DST: variants seen among roughly 807,000 people sequenced by gnomAD.
DST encodes bullous pemphigoid antigen.
In DST, 253 loss-of-function variants were observed where a neutral mutation model predicts 875.2. The ratio of observed to expected loss-of-function variants is 0.29; its 90% CI spans 0.26 to 0.32. The LOEUF (loss-of-function observed/expected upper bound fraction) is 0.32, where lower values mean the gene tolerates loss of function less well. Ranked by LOEUF, DST falls within the 10% of genes least tolerant of loss-of-function variation. The probability of loss-of-function intolerance (pLI) is 1.00; values close to 1 mark genes in which losing one functional copy is unlikely to be tolerated. For missense variants in DST, 8,287 were observed against 9,111.6 expected (o/e 0.91, Z 3.68); for synonymous variants, 3,124 against 3,197.1 (o/e 0.98, Z 0.77).
At chr6:56,473,801 C>G (rs1222349514) in intron 93 of DST, 72 bp downstream of exon 93, 22 of 1,475,642 alleles carry the variant, frequency 1.5e-5, no homozygotes, top group Non-Finnish European at 1.9e-5. Flanking sequence ...CCCCAAATTT[C>G]AAATAATTCA....
chr6:56,819,840 T>C (rs373654272), intron 4 of DST, among the ~76,000 whole-genome samples: 27 of 152,336 alleles, frequency 1.8e-4, no homozygotes, highest in East Asian at 9.6e-4. Context: ...TTGAAGTCTG[T>C]GGTCTGTTTT....
chr6:56,761,349 G>A (rs1053613159), intron 4 of DST, among the ~76,000 whole-genome samples: 5 of 152,172 alleles, frequency 3.3e-5, no homozygotes, highest in African/African-American at 4.8e-5. Context: ...ATTGTTATAC[G>A]GCTAGAAATA....
chr6:56,639,085 T>A (rs1323219465), intron 22 of DST, 174 bp downstream of exon 22: 2 of 649,738 alleles, frequency 3.1e-6, no homozygotes, highest in Non-Finnish European at 5.5e-6. Flanking sequence ...ATGGGTGACA[T>A]ACTTAGAGCC....
chr6:56,637,451 G>C (rs967711094), intron 22 of DST, among the ~76,000 whole-genome samples: 1 of 151,810 alleles, frequency 6.6e-6, no homozygotes, highest in Non-Finnish European at 1.5e-5. Context: ...GAATTTTTAC[G>C]GTGCTAGATC....
chr6:56,774,424 C>G (rs936554685), intron 4 of DST, among the ~76,000 whole-genome samples: 4 of 152,192 alleles, frequency 2.6e-5, no homozygotes, highest in African/African-American at 9.7e-5. Context: ...TCAGGTAAGA[C>G]TTCCCTGACA....
At chr6:56,566,315 A>G (rs1000992411) in intron 55 of DST, among the ~76,000 whole-genome samples, 3 of 152,102 alleles carry the variant, frequency 2.0e-5, no homozygotes, top group African/African-American at 7.2e-5. Context: ...TGAAACCCAG[A>G]GCCCTGGTGG....
At position 56,557,209 on chromosome 6, in the gene DST, C is replaced by T. The variant is rs2097438588; in HGVS notation, c.14640+110G>A. 3.5e-5 allele frequency: 33 copies of T among 937,058 alleles called. 1 individual carries two copies. The South Asian group carries it at 5.2e-4, about 15-fold the overall frequency. The allele number at this position is 937,058 out of a possible 1,614,324, so 58.0% of individuals were successfully genotyped here. On this transcript the variant is annotated intron_variant, in intron 59 of 103. Coordinates refer to ENST00000680361, the MANE Select transcript of DST (RefSeq NM_001374736.1). ...GAAACATTACATATATACTTCAAAG[C>T]AGTTAAATAAAACACCTACTGACCA...
At chr6:56,731,239 C>T (rs1039183693) in intron 5 of DST, among the ~76,000 whole-genome samples, 1 of 152,128 alleles carries the variant, frequency 6.6e-6, no homozygotes, top group Non-Finnish European at 1.5e-5. Flanking sequence ...TATTCTCTGA[C>T]CTGATCCTGA....
chr6:56,866,342 G>C (rs561384314), intron 3 of DST, among the ~76,000 whole-genome samples: 2 of 152,258 alleles, frequency 1.3e-5, no homozygotes, highest in Non-Finnish European at 2.9e-5. Context: ...CCTCTTGCCT[G>C]AACAATTATT....
intron 44 of DST, 60 bp downstream of exon 44, chr6:56,601,383 A>G (rs1433385181): frequency 1.8e-6 from 2 of 1,111,954 alleles, no homozygotes; most frequent in Non-Finnish European, 2.6e-6. Context: ...CTCCTTGGGT[A>G]TCTACATTAT....
intron 86 of DST, among the ~76,000 whole-genome samples, chr6:56,488,137 A>T (rs116272719): frequency 0.025 from 3,837 of 152,122 alleles, 73 homozygotes; most frequent in Non-Finnish European, 0.043. Context: ...TTATCCATAA[A>T]TTTTTTTTCA....
rs141101985 is a variant in DST, at chr6:56,697,120, G to A, written c.1047+2533C>T. Among the ~76,000 whole-genome samples, 879 of 152,028 alleles carry A rather than the reference G, an allele frequency of 5.8e-3. 10 individuals are homozygous for A. The highest frequency in any genetic ancestry group is 0.02 in the African/African-American group (821 of 41,480). Reference sequence around the variant, plus strand: ...CAGAAAGTAAGTGCTTTTCCCCCTAGCATCACCCCTGTGTCTCTCAGTAGT... The same window carrying A: ...CAGAAAGTAAGTGCTTTTCCCCCTAACATCACCCCTGTGTCTCTCAGTAGT... On this transcript the variant is annotated intron_variant, in intron 9 of 103. Coordinates refer to ENST00000680361, the MANE Select transcript of DST (RefSeq NM_001374736.1).
intron 9 of DST, among the ~76,000 whole-genome samples, chr6:56,698,329 A>AAT (rs1491118761): frequency 6.9e-6 from 1 of 144,144 alleles, no homozygotes; most frequent in African/African-American, 2.6e-5. Flanking sequence ...AAAAAAAAAA[A>AAT]TTTTTTTTTT....
chr6:56,661,259 G>A (rs1437022056), intron 10 of DST, among the ~76,000 whole-genome samples: 8 of 152,072 alleles, frequency 5.3e-5, no homozygotes, highest in Middle Eastern at 3.2e-3. Flanking sequence ...CAAAATACAA[G>A]AAGTGTTAAA....
chr6:56,646,309 C>A, intron 13 of DST, 127 bp from the exon 14 acceptor site: 1 of 523,020 alleles, frequency 1.9e-6, no homozygotes, highest in Non-Finnish European at 3.2e-6. Context: ...TTTGTTAAAC[C>A]GACACTCAAA....
At chr6:56,716,506 A>C (rs2099395058) in intron 5 of DST, among the ~76,000 whole-genome samples, 1 of 152,220 alleles carries the variant, frequency 6.6e-6, no homozygotes, top group Admixed American at 6.5e-5. Context: ...CCAAAAGCAT[A>C]CATTATTTTT....
At chr6:56,584,775 C>T (rs2098111763) in intron 49 of DST, among the ~76,000 whole-genome samples, 1 of 152,036 alleles carries the variant, frequency 6.6e-6, no homozygotes, top group Admixed American at 6.5e-5. Context: ...CCCATCAATA[C>T]CTAATTTATT....
At chr6:56,816,664 G>A (rs562975784) in intron 4 of DST, among the ~76,000 whole-genome samples, 3 of 152,186 alleles carry the variant, frequency 2.0e-5, no homozygotes, top group South Asian at 2.1e-4. Context: ...ATCCCCTATC[G>A]CGTGCAGGAC....
intron 2 of DST, among the ~76,000 whole-genome samples, chr6:56,902,335 T>G (rs1460573304): frequency 6.6e-6 from 1 of 152,080 alleles, no homozygotes; most frequent in Non-Finnish European, 1.5e-5. Context: ...GCATAAAAAA[T>G]GAGGAGTAAG....
Sources: allele counts gnomAD v4.1 joint callset (sites outside exome capture counted in the v4.1 genomes callset), GRCh38; gene constraint gnomAD v4.1.1; transcripts MANE v1.5; gene names NCBI Gene and HGNC (gene_info 2026-07-23, HGNC 2026-07-21).